Variants in ANXA10 observed in about 807,000 individuals in gnomAD.
ANXA10 encodes annexin 14.
In ANXA10, 49 loss-of-function variants were observed where a neutral mutation model predicts 53.5. The ratio of observed to expected loss-of-function variants is 0.92; its 90% CI spans 0.73 to 1.16. The LOEUF is 1.16. ANXA10 is among the 50% of genes most tolerant of loss of function. The pLI, the probability that ANXA10 is intolerant of heterozygous loss-of-function variation, is 0.00. For missense variants in ANXA10, 393 were observed against 394.4 expected, an observed-to-expected ratio of 1.00 and a Z score of 0.03; for synonymous variants, 131 against 128.9, an observed-to-expected ratio of 1.02 and a Z score of -0.11.
At chr4:168,155,414 CATT>C (rs1487153323) in intron 3 of ANXA10, among the ~76,000 whole-genome samples, 4 of 75,800 alleles carry the variant, frequency 5.3e-5, no homozygotes, top group Non-Finnish European at 9.3e-5. Flanking sequence ...TTATATTATA[CATT>C]ATATTATATA....
chr4:168,108,569 A>T (rs537239109), intron 1 of ANXA10, among the ~76,000 whole-genome samples: 71 of 152,196 alleles, frequency 4.7e-4, no homozygotes, highest in African/African-American at 1.7e-3. Context: ...TCTAAAGGAG[A>T]ATTTGGAGCC....
intron 1 of ANXA10, among the ~76,000 whole-genome samples, chr4:168,123,641 C>A (rs990577223): frequency 6.6e-6 from 1 of 152,088 alleles, no homozygotes; most frequent in African/African-American, 2.4e-5. Flanking sequence ...CTAACAGAGA[C>A]CCCCAAATGT....
intron 1 of ANXA10, among the ~76,000 whole-genome samples, chr4:168,123,155 T>C (rs1329246697): frequency 6.6e-6 from 1 of 151,930 alleles, no homozygotes; most frequent in Non-Finnish European, 1.5e-5. Flanking sequence ...CAATGTGGAG[T>C]CCAAAGCCTT....
intron 5 of ANXA10, among the ~76,000 whole-genome samples, chr4:168,164,952 A>T (rs536333764): frequency 1.3e-5 from 2 of 152,204 alleles, no homozygotes; most frequent in Non-Finnish European, 2.9e-5. Flanking sequence ...GCTGGGCAGC[A>T]TTCTGTGGAA....
chr4:168,116,950 G>A (rs928256323), intron 1 of ANXA10, among the ~76,000 whole-genome samples: 1 of 151,438 alleles, frequency 6.6e-6, no homozygotes, highest in African/African-American at 2.4e-5. Context: ...TTAATTTTAT[G>A]AATTTCCTCC....
chr4:168,143,230 G>A (rs1413900515), intron 3 of ANXA10, among the ~76,000 whole-genome samples: 1 of 152,104 alleles, frequency 6.6e-6, no homozygotes, highest in African/African-American at 2.4e-5. Flanking sequence ...CTTCCACCTG[G>A]CCAAGGTGTA....
rs1379411748 is a variant in ANXA10 at position 168,187,572 on chromosome 4, T to A, written c.*138T>A. The A allele has an allele frequency of 4.0e-6, 2 of 504,730 alleles. No homozygotes were observed. Among genetic ancestry groups the A allele is most frequent in the African/African-American group, 4.0e-5 (2 of 50,208 alleles). 31.3% of individuals were successfully genotyped at this position (504,730 alleles called of 1,614,324 possible). A position where few individuals can be genotyped will look rare whatever the true frequency, so the allele number is the denominator to read the frequency against. ...TTTTCTCTTCTATCTTTGAAATTAT[T>A]CTAAGCCAAAGAAAACTATGAATGA... is the stretch of plus-strand genomic sequence containing the variant. On this transcript the variant is annotated 3_prime_UTR_variant, in exon 12 of 12. Transcript: ENST00000359299.
chr4:168,156,070 TTATA>T (rs1357012876), intron 3 of ANXA10, among the ~76,000 whole-genome samples: 1 of 66,782 alleles, frequency 1.5e-5, no homozygotes, highest in South Asian at 4.5e-4. Flanking sequence ...ATATCATATA[TTATA>T]TATATTATAT....
At chr4:168,148,069 T>G (rs1255363120) in intron 3 of ANXA10, among the ~76,000 whole-genome samples, 1 of 152,216 alleles carries the variant, frequency 6.6e-6, no homozygotes, top group Non-Finnish European at 1.5e-5. Flanking sequence ...CCCATGTGTT[T>G]CAGCTTTGTG....
chr4:168,163,764 T>C (rs1731824796), intron 4 of ANXA10, among the ~76,000 whole-genome samples: 1 of 152,110 alleles, frequency 6.6e-6, no homozygotes, highest in Admixed American at 6.6e-5. Context: ...AAATTCCACA[T>C]CTAGAGAGGC....
At chr4:168,152,804 A>T (rs1231835968) in intron 3 of ANXA10, among the ~76,000 whole-genome samples, 2 of 148,566 alleles carry the variant, frequency 1.3e-5, no homozygotes, top group African/African-American at 4.9e-5. Context: ...CTTATTTAAT[A>T]TTTAATATAT....
chr4:168,142,092 T>C (rs1232072862), intron 3 of ANXA10, among the ~76,000 whole-genome samples: 1 of 152,158 alleles, frequency 6.6e-6, no homozygotes. Flanking sequence ...GTTGACTAAT[T>C]GTCCACCCGC....
At position 168,124,177 on chromosome 4, in the gene ANXA10, A is replaced by G. The variant is rs1177315678; in HGVS notation, c.19-3907A>G. Among the ~76,000 whole-genome samples the G allele has an allele frequency of 2.0e-5, 3 of 152,236 alleles. No individual in the cohort carries two copies. In the East Asian group the frequency reaches 5.8e-4, roughly 29 times the overall value. ...AGAGGGCACCATGTTGGGAGTGGAC[A>G]GTCCTACTAAAGGCATCATGAATGG... On this transcript the variant is annotated intron_variant, in intron 1 of 11. Coordinates refer to ENST00000359299, the MANE Select transcript of ANXA10 (RefSeq NM_007193.5).
At chr4:168,115,497 G>GCACACACACA (rs67627035) in intron 1 of ANXA10, among the ~76,000 whole-genome samples, 6 of 136,426 alleles carry the variant, frequency 4.4e-5, no homozygotes, top group South Asian at 2.6e-4. Flanking sequence ...CAATACACAC[G>GCACACACACA]CACACACACA....
intron 2 of ANXA10, 99 bp from the exon 3 acceptor site, chr4:168,139,387 G>A: frequency 2.3e-6 from 2 of 859,874 alleles, no homozygotes; most frequent in South Asian, 3.8e-5. Context: ...AATACCATCA[G>A]GGATAATGCG....
At chr4:168,094,738 T>G (rs1244572675) in intron 1 of ANXA10, among the ~76,000 whole-genome samples, 1 of 151,900 alleles carries the variant, frequency 6.6e-6, no homozygotes, top group African/African-American at 2.4e-5. Context: ...TATAGAAAAT[T>G]TAAATATACT....
intron 3 of ANXA10, among the ~76,000 whole-genome samples, chr4:168,152,999 C>T (rs538631053): frequency 6.6e-6 from 1 of 152,128 alleles, no homozygotes; most frequent in African/African-American, 2.4e-5. Context: ...CATGCCACCA[C>T]ACTCAGCGAG....
chr4:168,106,293 G>T (rs974149630), intron 1 of ANXA10, among the ~76,000 whole-genome samples: 1 of 152,040 alleles, frequency 6.6e-6, no homozygotes, highest in Non-Finnish European at 1.5e-5. Flanking sequence ...CATTTATTAT[G>T]AATTTCTATA....
At chr4:168,176,451 A>C (rs1732129251) in intron 6 of ANXA10, among the ~76,000 whole-genome samples, 1 of 152,116 alleles carries the variant, frequency 6.6e-6, no homozygotes, top group African/African-American at 2.4e-5. Flanking sequence ...AGTTCAAATC[A>C]ATGTGGTCTA....
Sources: gnomAD v4.1 joint callset for allele counts (sites outside exome capture counted in the v4.1 genomes callset) on GRCh38, gnomAD v4.1.1 for gene constraint, MANE v1.5 for transcripts, NCBI Gene and HGNC (gene_info 2026-07-23, HGNC 2026-07-21) for gene names.